The following UGT3A1 variants were observed in gnomAD, a reference collection of about 807,000 sequenced individuals.
UGT3A1 encodes the protein UDP glycosyltransferase family 3 member A1, also known as UDP-glycosyltransferase 3A1.
UGT3A1 carries 40 observed loss-of-function variants against 37.6 expected under a neutral mutation model. That is an observed-to-expected ratio of 1.06 (90% confidence interval 0.83 to 1.38). The LOEUF is 1.38. UGT3A1 is among the 40% of genes most tolerant of loss of function. UGT3A1 has a pLI of 0.00. For missense variants in UGT3A1, 642 were observed against 634.2 expected (o/e 1.01, Z -0.13); for synonymous variants, 256 against 232.3 (o/e 1.10, Z -0.93).
chr5:35,985,829 C>A (rs533133806), intron 2 of UGT3A1, among the ~76,000 whole-genome samples: 6 of 152,182 alleles, frequency 3.9e-5, no homozygotes, highest in African/African-American at 1.4e-4. Flanking sequence ...ATCAAAAGTA[C>A]AGGCAATCAA....
intron 1 of UGT3A1, among the ~76,000 whole-genome samples, chr5:35,998,693 G>A (rs1196131639): frequency 2.0e-5 from 3 of 152,316 alleles, no homozygotes; most frequent in Middle Eastern, 3.4e-3. Context: ...TATTTAAGAG[G>A]AGAGGATGGA....
chr5:35,978,718 C>A (rs923773116), intron 2 of UGT3A1, among the ~76,000 whole-genome samples: 4 of 152,112 alleles, frequency 2.6e-5, no homozygotes, highest in Admixed American at 6.5e-5. Flanking sequence ...CACGTCCTCA[C>A]ATTTCAAAAC....
At chr5:35,962,014 C>G (rs1307875510) in intron 4 of UGT3A1, 1 of 126,644 alleles carries the variant, frequency 7.9e-6, no homozygotes, top group Non-Finnish European at 1.7e-5. Context: ...CTTCCAGTCT[C>G]CCATTTCAAC....
intron 1 of UGT3A1, among the ~76,000 whole-genome samples, chr5:36,000,723 A>T (rs781453876): frequency 6.6e-6 from 1 of 152,248 alleles, no homozygotes; most frequent in African/African-American, 2.4e-5. Flanking sequence ...TACAATAACC[A>T]TTACAATTAT....
Position 35,954,361 on chromosome 5 carries a change from G to C in UGT3A1, c.1413C>G (p.Leu471=), listed in dbSNP as rs771860079. The C allele has an allele frequency of 7.1e-5, 114 of 1,614,106 alleles. No individual in the cohort carries two copies. The highest frequency in any genetic ancestry group is 9.5e-5 in the Non-Finnish European group (112 of 1,180,042). The change falls in exon 7 of 7, where the codon CTC becomes CTG. Residue 471 remains leucine (L), a synonymous_variant. Transcript: ENST00000274278. ...AAGGCTGCTGGAAGGCATAGGGCTT[G>C]AGGTGCGTCGCTCCCCCAGTCTGGA... The part of the protein sequence containing the change: ...HILQTGGATH[L]KPYAFQQPWH...
At position 35,965,880 on chromosome 5, in the gene UGT3A1, A is replaced by T. The variant is rs1005447748; in HGVS notation, c.349T>A (p.Phe117Ile). The T allele has an allele frequency of 3.1e-5, 49 of 1,587,956 alleles. No homozygotes were observed. The highest frequency in any genetic ancestry group is 4.2e-5 in the Non-Finnish European group (49 of 1,169,600). Residue 117 changes from phenylalanine (F) to isoleucine (I), a missense_variant, in exon 4 of 7, where the codon TTT becomes ATT. Physicochemically the swap from Phe to Ile is conservative, Grantham distance 21. Transcript: ENST00000274278. ...SEALVKLMEIFGTQCSYLLSR... is the reference protein window; with the variant it reads ...SEALVKLMEIIGTQCSYLLSR... ...AGCAAATAACTACATTGAGTCCCAA[A>T]TATTTCCATTAGCTTTACAAGGGCT...
chr5:35,992,908 C>T (rs765509266), upstream of UGT3A1, among the ~76,000 whole-genome samples: 1 of 152,076 alleles, frequency 6.6e-6, no homozygotes, highest in Non-Finnish European at 1.5e-5. Context: ...CCTGCGTCTC[C>T]CTTTTGGTTC....
intron 4 of UGT3A1, among the ~76,000 whole-genome samples, chr5:35,963,218 T>C (rs1329013287): frequency 1.3e-5 from 2 of 152,244 alleles, no homozygotes; most frequent in Non-Finnish European, 2.9e-5. Context: ...GCCTCATTTA[T>C]GCCTGGAGCA....
chr5:36,000,061 C>A (rs759389562), intron 1 of UGT3A1, among the ~76,000 whole-genome samples: 7 of 152,184 alleles, frequency 4.6e-5, no homozygotes, highest in Non-Finnish European at 1.0e-4. Context: ...TCTACCATCC[C>A]TGGTCCTCAG....
chr5:35,977,411 A>G (rs1420625215), intron 2 of UGT3A1, among the ~76,000 whole-genome samples: 2 of 152,214 alleles, frequency 1.3e-5, no homozygotes, highest in African/African-American at 4.8e-5. Context: ...TGTGACCTCC[A>G]AAGTTGGAGG....
In UGT3A1 at chr5:35,957,370, A is replaced by G; in HGVS notation, c.893T>C (p.Val298Ala). Reference protein sequence around the residue: ...ANFGDAGFVLVAFGSMLNTHQ... With the variant: ...ANFGDAGFVLAAFGSMLNTHQ... ...GGTGTTCAACATGGAGCCAAAGGCCACAAGGACAAACCCTGCATCCCCAAA... is the reference window on the plus strand; with the variant it reads ...GGTGTTCAACATGGAGCCAAAGGCCGCAAGGACAAACCCTGCATCCCCAAA... The change falls in exon 5 of 7, where the codon GTG becomes GCG. Residue 298 changes from valine (V) to alanine (A), a missense_variant. Coordinates refer to ENST00000274278, the MANE Select transcript of UGT3A1 (RefSeq NM_152404.4). 6.2e-7 allele frequency: 1 copy of G among 1,614,200 alleles called. No individual in the cohort carries two copies. The highest frequency in any genetic ancestry group is 1.1e-5 in the South Asian group (1 of 91,072).
intron 1 of UGT3A1, among the ~76,000 whole-genome samples, chr5:36,000,449 C>T (rs1404227110): frequency 6.6e-6 from 1 of 152,172 alleles, no homozygotes; most frequent in East Asian, 1.9e-4. Flanking sequence ...TCCCTTCAAC[C>T]ACAATGGAAG....
At chr5:35,973,869 C>T (rs1212887484) in intron 2 of UGT3A1, among the ~76,000 whole-genome samples, 1 of 152,090 alleles carries the variant, frequency 6.6e-6, no homozygotes, top group African/African-American at 2.4e-5. Flanking sequence ...AGAGTCAAAG[C>T]AATAATTAGA....
rs553218726 is a variant in UGT3A1 at position 35,956,386 on chromosome 5, G to A, written c.1076-522C>T. On this transcript the variant is annotated intron_variant, in intron 5 of 6. Coordinates refer to ENST00000274278, the MANE Select transcript of UGT3A1 (RefSeq NM_152404.4). ...TAAATCTGTGTTTCTCAACAGAAATGTGGATTCGAATCTACTTGTGTTCCT... is the reference window on the plus strand; with the variant it reads ...TAAATCTGTGTTTCTCAACAGAAATATGGATTCGAATCTACTTGTGTTCCT... 2.6e-5 allele frequency among the ~76,000 whole-genome samples: 4 copies of A among 152,340 alleles called. No homozygotes were observed. The South Asian group carries it at 8.3e-4, about 32-fold the overall frequency.
intron 1 of UGT3A1, 57 bp from the exon 2 acceptor site, chr5:35,988,608 T>C (rs1232849962): frequency 4.5e-6 from 6 of 1,346,622 alleles, no homozygotes; most frequent in Non-Finnish European, 6.3e-6. Flanking sequence ...CTGATGACAA[T>C]ATGGGAGTAG....
At position 35,965,395 on chromosome 5, in the gene UGT3A1, T is replaced by A. The variant is rs1340831309; in HGVS notation, c.834A>T (p.Pro278=). ...IGGLMEKPIK[P]VPQDLDNFIA... is the part of the protein sequence containing the mutation. ...CTGAGGGTTCACTTACTTGTGGTAC[T>A]GGTTTAATAGGTTTTTCCATCAAGC... The change falls in exon 4 of 7, where the codon CCA becomes CCT. Residue 278 remains proline, a synonymous_variant. Coordinates refer to ENST00000274278, the MANE Select transcript of UGT3A1 (RefSeq NM_152404.4). 6.2e-7 allele frequency: 1 copy of A among 1,613,624 alleles called. No individual in the cohort carries two copies. The highest frequency in any genetic ancestry group is 8.5e-7 in the Non-Finnish European group (1 of 1,179,736).
chr5:35,996,918 CTCAG>C (rs1480461168), intron 2 of UGT3A1, among the ~76,000 whole-genome samples: 5 of 152,286 alleles, frequency 3.3e-5, no homozygotes, highest in South Asian at 4.1e-4. Context: ...CACTTATGGT[CTCAG>C]TCAAATACAG....
At chr5:35,980,956 C>T (rs1307118965) in intron 2 of UGT3A1, among the ~76,000 whole-genome samples, 1 of 152,152 alleles carries the variant, frequency 6.6e-6, no homozygotes, top group Non-Finnish European at 1.5e-5. Flanking sequence ...TTGATCTGCT[C>T]TCCTACCTAG....
In UGT3A1 at chr5:35,954,201, C is replaced by T. The variant is rs751509850; in HGVS notation, c.*1G>A. 6.2e-6 allele frequency: 10 copies of T among 1,613,614 alleles called. No individual in the cohort carries two copies. In the Admixed American group the frequency reaches 8.3e-5, roughly 13 times the overall value. The stretch of plus-strand genomic sequence containing the variant: ...CCCCTCACCCAAGGCTACACCTAGC[C>T]TCATGTCTTCTTCACCTTCCTGGCC... On this transcript the variant is annotated 3_prime_UTR_variant, in exon 7 of 7. Coordinates refer to ENST00000274278, the MANE Select transcript of UGT3A1 (RefSeq NM_152404.4).
Sources: gnomAD v4.1 joint callset for allele counts (sites outside exome capture counted in the v4.1 genomes callset) on GRCh38, gnomAD v4.1.1 for gene constraint, MANE v1.5 for transcripts, NCBI Gene and HGNC (gene_info 2026-07-23, HGNC 2026-07-21) for gene names.